Variants in WNK1 observed in about 807,000 individuals in gnomAD.
WNK1 encodes the protein WNK lysine deficient protein kinase 1.
Under a neutral mutation model 222.8 loss-of-function variants are expected in WNK1, and 38 were observed. The observed-to-expected ratio is 0.17, with a 90% CI of 0.13 to 0.22. The LOEUF is 0.22. WNK1 is among the 10% of genes least tolerant of loss of function. The pLI, the probability that WNK1 is intolerant of heterozygous loss-of-function variation, is 1.00. For missense variants in WNK1, 2,348 were observed against 2,918.4 expected (o/e 0.80, Z 4.50); for synonymous variants, 1,090 against 1,092.9 (o/e 1.00, Z 0.05).
At chr12:771,240 G>A (rs907632607) in intron 1 of WNK1, among the ~76,000 whole-genome samples, 1 of 151,646 alleles carries the variant, frequency 6.6e-6, no homozygotes, top group African/African-American at 2.4e-5. Context: ...CTCGTGATCC[G>A]CCCGCCTCTG....
At chr12:792,914 A>G (rs1421743449) in intron 1 of WNK1, among the ~76,000 whole-genome samples, 1 of 152,062 alleles carries the variant, frequency 6.6e-6, no homozygotes, top group Non-Finnish European at 1.5e-5. Context: ...AGGACAAGAG[A>G]CACAACTTGG....
chr12:818,693 C>T (rs1166074171), intron 2 of WNK1, among the ~76,000 whole-genome samples: 2 of 152,200 alleles, frequency 1.3e-5, no homozygotes, highest in African/African-American at 4.8e-5. Context: ...TTTATCTAAT[C>T]AGGATATGTC....
chr12:853,389 A>C (rs1289187042), intron 4 of WNK1, among the ~76,000 whole-genome samples: 1 of 152,222 alleles, frequency 6.6e-6, no homozygotes, highest in East Asian at 1.9e-4. Flanking sequence ...ATCAAGGATG[A>C]AAGCAGGTTC....
At chr12:793,964 G>A (rs1313998951) in intron 1 of WNK1, among the ~76,000 whole-genome samples, 1 of 151,976 alleles carries the variant, frequency 6.6e-6, no homozygotes, top group Non-Finnish European at 1.5e-5. Context: ...AACCTACTAT[G>A]TCTCTAGATT....
intron 1 of WNK1, among the ~76,000 whole-genome samples, chr12:805,162 G>A (rs1368015597): frequency 1.3e-5 from 2 of 152,056 alleles, no homozygotes; most frequent in African/African-American, 4.8e-5. Flanking sequence ...TTGCTGAATT[G>A]TATGGTAATT....
Position 762,185 on chromosome 12 carries a change from G to A in WNK1, c.759+7861G>A, listed in dbSNP as rs1230025512. Among the ~76,000 whole-genome samples the A allele has an allele frequency of 2.1e-5, 3 of 144,916 alleles. 1 individual carries two copies. The highest frequency in any genetic ancestry group is 3.1e-5 in the Non-Finnish European group (2 of 65,182). The stretch of plus-strand genomic sequence containing the variant: ...AGCGATTGTCATGCCTCAGCCTCCC[G>A]AGTAGCTGGGATTACAGGCACATGC... On this transcript the variant is annotated intron_variant, in intron 1 of 27. Transcript: ENST00000315939.
At chr12:834,680 A>G (rs577459614) in intron 4 of WNK1, among the ~76,000 whole-genome samples, 79 of 152,310 alleles carry the variant, frequency 5.2e-4, no homozygotes, top group African/African-American at 1.8e-3. Context: ...TCTGTAAAAG[A>G]GATACTATTA....
At position 885,811 on chromosome 12, in the gene WNK1, T is replaced by C. The variant is rs1490394490; in HGVS notation, c.5007T>C (p.Ser1669=). Residue 1669 remains serine (S), a synonymous_variant, in exon 19 of 28, where the codon TCT becomes TCC. Transcript: ENST00000315939. ...CTCTGTTCAGTGAACACAGCTCATC[T>C]GGAGCTCAGCATGCCTCTGTCTCAC... ...LRSLFSEHSS[S]GAQHASVSLE... is the part of the protein sequence containing the mutation. The C allele has an allele frequency of 1.9e-6, 3 of 1,614,118 alleles. No individual in the cohort carries two copies. The highest frequency in any genetic ancestry group is 2.5e-6 in the Non-Finnish European group (3 of 1,180,048).
In WNK1 at chr12:882,972, A is replaced by G; in HGVS notation, c.3402A>G (p.Glu1134=). 6.2e-7 allele frequency: 1 copy of G among 1,613,452 alleles called. No individual in the cohort carries two copies. Among genetic ancestry groups the G allele is most frequent in the Non-Finnish European group, 8.5e-7 (1 of 1,179,414 alleles). Residue 1134 remains glutamate (E), a synonymous_variant, in exon 15 of 28, where the codon GAA becomes GAG. Coordinates refer to ENST00000315939, the MANE Select transcript of WNK1 (RefSeq NM_018979.4). ...NVSNKGDRVV[E]CQLETHNRKM... is the part of the protein sequence containing the mutation. ...CAAATAAAGGAGACCGAGTAGTAGA[A>G]TGTCAATTAGAGACTCATAATAGGA...
intron 1 of WNK1, among the ~76,000 whole-genome samples, chr12:797,442 G>A (rs1448239564): frequency 4.6e-5 from 7 of 152,142 alleles, no homozygotes; most frequent in Non-Finnish European, 2.9e-5. Flanking sequence ...TTATAAAAAG[G>A]TAGATTTTGG....
Position 896,296 on chromosome 12 carries a change from A to T in WNK1, c.5809A>T (p.Thr1937Ser). Residue 1937 changes from threonine to serine, a missense_variant, in exon 24 of 28, where the codon ACT becomes TCT. Transcript: ENST00000315939. The stretch of plus-strand genomic sequence containing the variant: ...TACTGCCTCAGAGGCAAAGTCAGAC[A>T]CTGGGCAGCCTACCAAGGTTGGACG... ...KTTASEAKSDTGQPTKVGRFQ... is the reference protein window; with the variant it reads ...KTTASEAKSDSGQPTKVGRFQ... 5.6e-6 allele frequency: 9 copies of T among 1,614,238 alleles called. No homozygotes were observed. The highest frequency in any genetic ancestry group is 7.6e-6 in the Non-Finnish European group (9 of 1,180,046).
chr12:861,214 T>C lies in WNK1; in HGVS notation c.1822T>C (p.Ser608Pro). 3.1e-6 allele frequency: 5 copies of C among 1,614,084 alleles called. No individual in the cohort carries two copies. Among genetic ancestry groups the C allele is most frequent in the Non-Finnish European group, 4.2e-6 (5 of 1,180,010 alleles). ...CCAGACAGGAATCAAGCAGCTCCCT[T>C]CTGCTAGCACCGGCATACCTACTGC... ...ASQTGIKQLP[S>P]ASTGIPTAST... Residue 608 changes from serine (S) to proline (P), a missense_variant, in exon 7 of 28, where the codon TCT (serine) becomes CCT (proline). This residue lies in a region of WNK1 where 103 missense variants were observed against 111.5 expected (regional missense o/e 0.92). Transcript: ENST00000315939.
rs764293908 is a variant in WNK1 at position 754,164 on chromosome 12, A to C, written c.599A>C (p.Gln200Pro). ...AKEPQEERSQ[Q>P]QDDIEELETK... ...GAGCCACAGGAGGAACGGAGCCAGCAGCAGGATGATATCGAAGAGCTGGAG... is the reference window on the plus strand; with the variant it reads ...GAGCCACAGGAGGAACGGAGCCAGCCGCAGGATGATATCGAAGAGCTGGAG... Residue 200 changes from glutamine (Q) to proline (P), a missense_variant, in exon 1 of 28, where the codon CAG (glutamine) becomes CCG (proline). By Grantham distance (76) the Gln-to-Pro change is moderately conservative (BLOSUM62 -1). Transcript: ENST00000315939. 1 of 1,613,328 alleles carries C rather than the reference A, an allele frequency of 6.2e-7. No homozygotes were observed. The highest frequency in any genetic ancestry group is 8.5e-7 in the Non-Finnish European group (1 of 1,180,040).
chr12:867,882 A>T, intron 8 of WNK1: 1 of 1,613,988 alleles, frequency 6.2e-7, no homozygotes, highest in Non-Finnish European at 8.5e-7. Context: ...TCCATGGCGC[A>T]TCCGTGTGGG....
chr12:805,205 C>CT (rs553691220), intron 1 of WNK1, among the ~76,000 whole-genome samples: 148 of 152,180 alleles, frequency 9.7e-4, no homozygotes, highest in African/African-American at 3.4e-3. Flanking sequence ...CTATCGTGCT[C>CT]TTTTCCACAT....
chr12:879,565 C>G lies in WNK1; in HGVS notation c.2374-8C>G. ...GCCTGTCTGTTTTGTTTTTCTTTAC[C>G]TTCCCAGCTTCCAGTTTCCCAGCCA... On this transcript the variant is annotated splice_region_variant and splice_polypyrimidine_tract_variant and intron_variant, in intron 10 of 27. Transcript: ENST00000315939. 2 of 1,106,816 alleles carry G rather than the reference C, an allele frequency of 1.8e-6. No individual in the cohort carries two copies. Among genetic ancestry groups the G allele is most frequent in the Non-Finnish European group, 2.5e-6 (2 of 812,478 alleles). The allele number at this position is 1,106,816 out of a possible 1,614,324, so 68.6% of individuals were successfully genotyped here.
At position 838,805 on chromosome 12, in the gene WNK1, A is replaced by G. The variant is rs1006490566; in HGVS notation, c.1311+8645A>G. Among the ~76,000 whole-genome samples, 4 of 151,764 alleles carry G rather than the reference A, an allele frequency of 2.6e-5. No individual in the cohort carries two copies. In the South Asian group the frequency reaches 8.3e-4, roughly 31 times the overall value. ...TTCATCTTAACTAATTACTTAACTA[A>G]TTTTTTTTCCAAAAAAATTCATATT... On this transcript the variant is annotated intron_variant, in intron 4 of 27. Coordinates refer to ENST00000315939, the MANE Select transcript of WNK1 (RefSeq NM_018979.4).
chr12:855,261 A>C (rs746344304), intron 4 of WNK1, among the ~76,000 whole-genome samples: 1 of 152,270 alleles, frequency 6.6e-6, no homozygotes, highest in African/African-American at 2.4e-5. Flanking sequence ...GAAAATACAG[A>C]TAGTGATCTT....
At chr12:815,523 T>A (rs537133254) in intron 2 of WNK1, among the ~76,000 whole-genome samples, 1 of 152,344 alleles carries the variant, frequency 6.6e-6, no homozygotes, top group South Asian at 2.1e-4. Flanking sequence ...TTATCCTAGT[T>A]AGTCAGGCTT....
Sources: gnomAD v4.1 joint callset for allele counts (sites outside exome capture counted in the v4.1 genomes callset) on GRCh38, gnomAD v4.1.1 for gene constraint, gnomAD v4.1.1 regional missense constraint, MANE v1.5 for transcripts, NCBI Gene and HGNC (gene_info 2026-07-23, HGNC 2026-07-21) for gene names.